Variants in PRKCE observed in about 807,000 individuals in gnomAD.
PRKCE encodes the protein protein kinase C epsilon type.
In PRKCE, 16 loss-of-function variants were observed where a neutral mutation model predicts 85.4. The observed-to-expected ratio is 0.19, with a 90% CI of 0.13 to 0.28. The LOEUF (loss-of-function observed/expected upper bound fraction) is 0.28. Among genes scored for constraint, PRKCE ranks in the 10% least tolerant of loss-of-function variants. The probability of loss-of-function intolerance (pLI) is 1.00; values close to 1 mark genes in which losing one functional copy is unlikely to be tolerated. For missense variants in PRKCE, 573 were observed against 975.2 expected, an observed-to-expected ratio of 0.59 and a Z score of 5.49; for synonymous variants, 388 against 371.5, an observed-to-expected ratio of 1.04 and a Z score of -0.51.
intron 10 of PRKCE, among the ~76,000 whole-genome samples, chr2:46,081,330 T>C (rs1669056867): frequency 6.6e-6 from 1 of 152,226 alleles, no homozygotes; most frequent in Admixed American, 6.5e-5. Context: ...TAACCTTTTT[T>C]GTTCTTCTAT....
intron 1 of PRKCE, among the ~76,000 whole-genome samples, chr2:45,670,110 A>G (rs999872332): frequency 2.6e-5 from 4 of 152,204 alleles, no homozygotes; most frequent in Non-Finnish European, 5.9e-5. Context: ...TATTTAAGTA[A>G]TTTGCCTCTG....
intron 2 of PRKCE, among the ~76,000 whole-genome samples, chr2:45,967,877 T>G (rs539174244): frequency 6.6e-6 from 1 of 152,032 alleles, no homozygotes; most frequent in African/African-American, 2.4e-5. Context: ...AGGACAAAAT[T>G]TGTCCAGTCT....
At chr2:46,124,826 G>T (rs1673690311) in intron 11 of PRKCE, among the ~76,000 whole-genome samples, 1 of 152,168 alleles carries the variant, frequency 6.6e-6, no homozygotes, top group Non-Finnish European at 1.5e-5. Context: ...GTGCTGTATG[G>T]TTATAAAATA....
chr2:45,670,800 C>T (rs887016454), intron 1 of PRKCE, among the ~76,000 whole-genome samples: 7 of 152,178 alleles, frequency 4.6e-5, no homozygotes, highest in African/African-American at 1.4e-4. Flanking sequence ...AAGGATGGAT[C>T]GGATAGACTG....
intron 1 of PRKCE, among the ~76,000 whole-genome samples, chr2:45,809,861 C>T (rs1459828322): frequency 2.7e-5 from 4 of 147,566 alleles, no homozygotes; most frequent in Non-Finnish European, 6.0e-5. Context: ...GCCTGGGCAA[C>T]AAGAGTGAGA....
At chr2:45,754,373 C>T (rs1683833786) in intron 1 of PRKCE, among the ~76,000 whole-genome samples, 1 of 152,164 alleles carries the variant, frequency 6.6e-6, no homozygotes, top group South Asian at 2.1e-4. Flanking sequence ...AGATATGTTG[C>T]CTGGGGTAAG....
chr2:45,805,283 G>C (rs1272637094), intron 1 of PRKCE, among the ~76,000 whole-genome samples: 5 of 152,164 alleles, frequency 3.3e-5, no homozygotes, highest in Non-Finnish European at 7.3e-5. Flanking sequence ...CAGTTGGACA[G>C]CATGATTTTG....
intron 2 of PRKCE, among the ~76,000 whole-genome samples, chr2:45,934,461 C>T (rs1699283748): frequency 6.6e-6 from 1 of 151,982 alleles, no homozygotes. Context: ...CCAGCCTGGT[C>T]AACATAGTAA....
chr2:45,853,147 G>C (rs182646824), intron 2 of PRKCE, among the ~76,000 whole-genome samples: 6 of 152,102 alleles, frequency 3.9e-5, no homozygotes, highest in African/African-American at 9.7e-5. Context: ...TTTCTGTTTG[G>C]AATCTTCTCC....
intron 2 of PRKCE, among the ~76,000 whole-genome samples, chr2:45,869,402 G>A (rs929600178): frequency 6.6e-5 from 10 of 152,134 alleles, no homozygotes; most frequent in Non-Finnish European, 1.2e-4. Context: ...GCTAGTAATC[G>A]CTCATAACAA....
intron 10 of PRKCE, among the ~76,000 whole-genome samples, chr2:46,054,722 C>G (rs1184690986): frequency 6.6e-6 from 1 of 152,174 alleles, no homozygotes; most frequent in Non-Finnish European, 1.5e-5. Context: ...AATACCGTGG[C>G]CCAAAGTGAG....
intron 1 of PRKCE, among the ~76,000 whole-genome samples, chr2:45,813,673 C>T (rs1368903532): frequency 6.6e-6 from 1 of 152,160 alleles, no homozygotes; most frequent in African/African-American, 2.4e-5. Flanking sequence ...GACTTCAGAG[C>T]CCAGGCCCTG....
chr2:46,057,142 T>C (rs1489892703), intron 10 of PRKCE, among the ~76,000 whole-genome samples: 1 of 152,226 alleles, frequency 6.6e-6, no homozygotes, highest in Non-Finnish European at 1.5e-5. Context: ...GCAGTCAAGC[T>C]GCTCACGTGG....
At chr2:45,926,201 C>T (rs779920387) in intron 2 of PRKCE, among the ~76,000 whole-genome samples, 9 of 152,130 alleles carry the variant, frequency 5.9e-5, no homozygotes, top group African/African-American at 2.2e-4. Flanking sequence ...ACTGCTGAGG[C>T]CTGCAATGAT....
intron 10 of PRKCE, among the ~76,000 whole-genome samples, chr2:46,084,756 C>T (rs1321327475): frequency 6.6e-6 from 1 of 150,672 alleles, no homozygotes; most frequent in Non-Finnish European, 1.5e-5. Flanking sequence ...TGCTCTGCCT[C>T]TCTGGCCTTT....
intron 11 of PRKCE, among the ~76,000 whole-genome samples, chr2:46,096,659 G>T (rs1447199536): frequency 6.6e-6 from 1 of 152,154 alleles, no homozygotes; most frequent in African/African-American, 2.4e-5. Flanking sequence ...CAGCACCTTG[G>T]TCTTACACTT....
chr2:45,812,826 C>T (rs545430798), intron 1 of PRKCE, among the ~76,000 whole-genome samples: 1 of 152,256 alleles, frequency 6.6e-6, no homozygotes, highest in Admixed American at 6.5e-5. Context: ...GCTCTTGCAT[C>T]ACTTAAAATC....
chr2:46,146,611 A>G (rs1325144302), intron 12 of PRKCE, among the ~76,000 whole-genome samples: 4 of 152,176 alleles, frequency 2.6e-5, no homozygotes, highest in African/African-American at 9.6e-5. Context: ...TCCTGAAAAC[A>G]ACAGGATTGG....
chr2:46,082,451 T>C (rs1488327393), intron 10 of PRKCE, among the ~76,000 whole-genome samples: 4 of 152,046 alleles, frequency 2.6e-5, no homozygotes, highest in African/African-American at 7.2e-5. Flanking sequence ...AACTAGTTCA[T>C]TGGGGTAGAT....
Sources: allele counts gnomAD v4.1 joint callset (sites outside exome capture counted in the v4.1 genomes callset), GRCh38; gene constraint gnomAD v4.1.1; transcripts MANE v1.5; gene names NCBI Gene and HGNC (gene_info 2026-07-23, HGNC 2026-07-21).